The following SATB1 variants were observed in gnomAD, a reference collection of about 807,000 sequenced individuals.
SATB1 encodes DNA-binding protein SATB1.
A neutral mutation model predicts 86.9 loss-of-function variants in SATB1; 11 were observed. That is an observed-to-expected ratio of 0.13 (90% CI 0.08 to 0.21). The LOEUF is 0.21. Ranked by LOEUF, SATB1 falls within the 10% of genes least tolerant of loss-of-function variation. SATB1 has a pLI of 1.00. For missense variants in SATB1, 551 were observed against 937.6 expected, an observed-to-expected ratio of 0.59 and a Z score of 5.39; for synonymous variants, 357 against 357.2, an observed-to-expected ratio of 1.00 and a Z score of 0.01.
chr3:18,349,374 C>T lies in SATB1; in HGVS notation c.2088G>A (p.Gln696=). ...TGCCGTGGTGCTTGAGATAGTACCG[C>T]TGGTTCTGAAAGAACTTGATGATGG... The part of the protein sequence containing the change: ...KYTIIKFFQN[Q]RYYLKHHGKL... Residue 696 remains glutamine (Q), a synonymous_variant, in exon 11 of 11, where the codon CAG becomes CAA. Coordinates refer to ENST00000338745, the MANE Select transcript of SATB1 (RefSeq NM_002971.6). The surrounding 1 kb of genome is among the most constrained non-coding windows in gnomAD (Gnocchi z 5.5). 1.2e-6 allele frequency: 2 copies of T among 1,614,174 alleles called. No individual in the cohort carries two copies. The highest frequency in any genetic ancestry group is 1.7e-6 in the Non-Finnish European group (2 of 1,180,040).
At chr3:18,421,327 CG>C (rs1698386765) in intron 1 of SATB1, 2 of 189,342 alleles carry the variant, frequency 1.1e-5, no homozygotes, top group South Asian at 1.1e-4. Context: ...ATTGCATTTA[CG>C]TAGTCCCAAT....
Position 18,444,726 on chromosome 3 carries a change from C to A in SATB1, c.-25+792G>T. The A allele has an allele frequency of 2.7e-6, 2 of 738,498 alleles. No individual in the cohort carries two copies. Among genetic ancestry groups the A allele is most frequent in the South Asian group, 6.1e-5 (1 of 16,314 alleles). The allele number at this position is 738,498 out of a possible 1,614,324, so 45.7% of individuals were successfully genotyped here. On this transcript the variant is annotated intron_variant, in intron 1 of 3. Transcript: ENST00000415069. The surrounding 1 kb of genome is among the most constrained non-coding windows in gnomAD (Gnocchi z 5.1). ...AGGCGGCGGCTTCTGCCTCTCCTGCCGCCGCCGCCGCCGCCGGAGCTGCGG... is the reference window on the plus strand; with the variant it reads ...AGGCGGCGGCTTCTGCCTCTCCTGCAGCCGCCGCCGCCGCCGGAGCTGCGG...
intron 4 of SATB1, 54 bp from the exon 5 acceptor site, chr3:18,415,288 A>G: frequency 6.2e-7 from 1 of 1,603,170 alleles, no homozygotes. Flanking sequence ...ATCCCGCTGC[A>G]GAACATTCCT....
intron 9 of SATB1, among the ~76,000 whole-genome samples, chr3:18,357,540 AAT>A (rs1491222004): frequency 2.8e-5 from 3 of 108,856 alleles, no homozygotes; most frequent in African/African-American, 1.4e-4. Context: ...AATAGAGGGC[AAT>A]TTTTTTTTTT....
intron 5 of SATB1, among the ~76,000 whole-genome samples, chr3:18,403,310 C>T (rs1697361631): frequency 6.6e-6 from 1 of 151,966 alleles, no homozygotes. Context: ...CAACACATTT[C>T]TACAAGTTAA....
chr3:18,440,727 CT>C (rs1189980134), upstream of SATB1, among the ~76,000 whole-genome samples: 6 of 152,086 alleles, frequency 3.9e-5, no homozygotes, highest in African/African-American at 1.4e-4. Flanking sequence ...CGTGCCTGAT[CT>C]ATTAATTAAC....
chr3:18,445,531 C>T, exon 1 of SATB1: 5 of 985,544 alleles, frequency 5.1e-6, no homozygotes, highest in Non-Finnish European at 6.0e-6. Flanking sequence ...TCCGGGGGCC[C>T]CCAACACGCG....
intron 1 of SATB1, chr3:18,445,241 C>T: frequency 1.0e-6 from 1 of 981,994 alleles, no homozygotes; most frequent in African/African-American, 1.8e-5. Flanking sequence ...GCCTCGGCGG[C>T]CGCTGGCGAC....
intron 9 of SATB1, among the ~76,000 whole-genome samples, chr3:18,368,014 C>T (rs1485683560): frequency 6.6e-6 from 1 of 152,156 alleles, no homozygotes; most frequent in African/African-American, 2.4e-5. Context: ...AGCAATGAAA[C>T]CATAAATTTT....
Position 18,352,551 on chromosome 3 carries a change from T to TC in SATB1, c.1576-357dup, listed in dbSNP as rs1219932192. 1 of 230,152 alleles carries TC rather than the reference T, an allele frequency of 4.3e-6. No homozygotes were observed. The highest frequency in any genetic ancestry group is 5.1e-5 in the Admixed American group (1 of 19,782). The allele number at this position is 230,152 out of a possible 1,614,324, so 14.3% of individuals were successfully genotyped here. On this transcript the variant is annotated intron_variant, in intron 9 of 10. Transcript: ENST00000338745. The surrounding 1 kb of genome is among the most constrained non-coding windows in gnomAD (Gnocchi z 4.1). ...TTGCTATCTGACGAGTGGCTGGCCATCTGAGGATACGGAAGTGCCTAAGAG... is the reference window on the plus strand; with the variant it reads ...TTGCTATCTGACGAGTGGCTGGCCATCCTGAGGATACGGAAGTGCCTAAGAG...
intron 9 of SATB1, among the ~76,000 whole-genome samples, chr3:18,353,465 A>T (rs1168839696): frequency 6.6e-6 from 1 of 152,166 alleles, no homozygotes; most frequent in Non-Finnish European, 1.5e-5. Flanking sequence ...CTCTGCATTT[A>T]GGGAACTTGA....
rs1049157090 is a variant in SATB1, at chr3:18,423,867, A to G, written c.-265T>C. On this transcript the variant is annotated 5_prime_UTR_variant, in exon 1 of 11. Transcript: ENST00000338745. ...GGCAGAAATAAACGTCTAGAAGAGT[A>G]GCCATGAGAAAGGGGTTTAAAAAAA... 5 of 151,942 alleles carry G rather than the reference A, an allele frequency of 3.3e-5. No individual in the cohort carries two copies. The highest frequency in any genetic ancestry group is 1.2e-4 in the African/African-American group (5 of 41,494). 9.4% of individuals were successfully genotyped at this position (151,942 alleles called of 1,614,324 possible).
At chr3:18,390,174 C>A (rs1395292557) in intron 7 of SATB1, among the ~76,000 whole-genome samples, 1 of 152,072 alleles carries the variant, frequency 6.6e-6, no homozygotes, top group Non-Finnish European at 1.5e-5. Context: ...AAAGAGACTG[C>A]CAATCTGAAC....
At chr3:18,380,747 A>C (rs1457198043) in intron 8 of SATB1, among the ~76,000 whole-genome samples, 1 of 151,800 alleles carries the variant, frequency 6.6e-6, no homozygotes, top group Non-Finnish European at 1.5e-5. Context: ...AACACAAGCT[A>C]TTGCTTAAGG....
chr3:18,439,960 A>G (rs572071373), upstream of SATB1, among the ~76,000 whole-genome samples: 1 of 152,326 alleles, frequency 6.6e-6, no homozygotes, highest in East Asian at 1.9e-4. Context: ...GGAGTTAAGA[A>G]TATTTTCAGA....
At position 18,345,638 on chromosome 3, in the gene SATB1, A is replaced by G. The variant is rs1328912639; in HGVS notation, c.*3532T>C. On this transcript the variant is annotated 3_prime_UTR_variant, in exon 11 of 11. Transcript: ENST00000338745. The stretch of plus-strand genomic sequence containing the variant: ...AAAGTCAAAAATATGCATAAAGAAG[A>G]CTAGTATTGATATTTTCTGATATTT... 6.6e-6 allele frequency: 1 copy of G among 152,092 alleles called. No individual in the cohort carries two copies. The highest frequency in any genetic ancestry group is 1.9e-4 in the East Asian group (1 of 5,194). 9.4% of individuals were successfully genotyped at this position (152,092 alleles called of 1,614,324 possible).
intron 9 of SATB1, among the ~76,000 whole-genome samples, chr3:18,364,748 C>T (rs573339512): frequency 6.8e-4 from 103 of 151,928 alleles, no homozygotes; most frequent in African/African-American, 2.3e-3. Flanking sequence ...CACACACGTA[C>T]GTATAGACAC....
intron 9 of SATB1, among the ~76,000 whole-genome samples, chr3:18,362,766 A>G (rs573490150): frequency 5.2e-4 from 78 of 150,492 alleles, no homozygotes; most frequent in African/African-American, 1.8e-3. Flanking sequence ...GTTGCTTCCT[A>G]AAGTCACTAT....
At chr3:18,358,930 G>A (rs1362216477) in intron 9 of SATB1, among the ~76,000 whole-genome samples, 1 of 151,814 alleles carries the variant, frequency 6.6e-6, no homozygotes, top group Non-Finnish European at 1.5e-5. Flanking sequence ...TTTTTTGCTT[G>A]AGTAAATTTT....
Sources: gnomAD v4.1 joint callset for allele counts (sites outside exome capture counted in the v4.1 genomes callset) on GRCh38, gnomAD v4.1.1 for gene constraint, Gnocchi (gnomAD v3.1) non-coding constraint, MANE v1.5 for transcripts, NCBI Gene and HGNC (gene_info 2026-07-23, HGNC 2026-07-21) for gene names.